Variants in NTRK2 observed in about 807,000 individuals in gnomAD.
The protein encoded by NTRK2 is neurotrophic receptor tyrosine kinase 2, also known as BDNF/NT-3 growth factors receptor.
In NTRK2, 13 loss-of-function variants were observed where a neutral mutation model predicts 94.5. The observed-to-expected ratio is 0.14, with a 90% CI of 0.09 to 0.22. NTRK2 has a LOEUF of 0.22. Among genes scored for constraint, NTRK2 ranks in the 10% least tolerant of loss-of-function variants. The pLI is 1.00. For synonymous variants in NTRK2, 372 were observed against 407.4 expected (o/e 0.91, Z 1.05); for missense variants, 639 against 1,071.2 (o/e 0.60, Z 5.63).
At chr9:84,724,195 G>T (rs754483231) in intron 7 of NTRK2, 29 bp from the exon 8 acceptor site, 3 of 1,613,828 alleles carry the variant, frequency 1.9e-6, no homozygotes, top group African/African-American at 2.7e-5. Flanking sequence ...CCTAATCAAG[G>T]TTATTTTTGT....
intron 14 of NTRK2, chr9:84,874,890 G>T: frequency 9.5e-7 from 1 of 1,057,250 alleles, no homozygotes; most frequent in Non-Finnish European, 1.1e-6. Context: ...GTCAATCCCA[G>T]TTGGTATAGG....
rs924119474 is a variant in NTRK2 at position 84,818,332 on chromosome 9, G to A, written c.1397-42708G>A. Among the ~76,000 whole-genome samples the A allele has an allele frequency of 3.3e-5, 5 of 152,192 alleles. No individual in the cohort carries two copies. In the South Asian group the frequency reaches 6.2e-4, roughly 19 times the overall value. Reference sequence around the variant, plus strand: ...GTGTCTAGGGCACAATTTGAAAGACGGTGGTAACTCTTAGGTTCATGCAAG... The same window carrying A: ...GTGTCTAGGGCACAATTTGAAAGACAGTGGTAACTCTTAGGTTCATGCAAG... On this transcript the variant is annotated intron_variant, in intron 12 of 18. Transcript: ENST00000277120.
chr9:84,905,056 C>T (rs1054154920), intron 14 of NTRK2, among the ~76,000 whole-genome samples: 1 of 152,128 alleles, frequency 6.6e-6, no homozygotes, highest in African/African-American at 2.4e-5. Flanking sequence ...AGAAGGCACA[C>T]GGTGGCCTGC....
rs1192441321 is a variant in NTRK2 at position 84,738,585 on chromosome 9, G to C, written c.1160-3307G>C. ...GAGTGTAAATATCATGGGAGGTTTT[G>C]CTAAACTAGGAAGTTGCTGGAAGCA... On this transcript the variant is annotated intron_variant, in intron 9 of 18. Coordinates refer to ENST00000277120, the MANE Select transcript of NTRK2 (RefSeq NM_006180.6). Among the ~76,000 whole-genome samples, 4 of 152,318 alleles carry C rather than the reference G, an allele frequency of 2.6e-5. No homozygotes were observed. The East Asian group carries it at 7.7e-4, about 29-fold the overall frequency.
intron 12 of NTRK2, among the ~76,000 whole-genome samples, chr9:84,857,675 A>G (rs1006863913): frequency 1.3e-5 from 2 of 152,248 alleles, no homozygotes; most frequent in Admixed American, 6.5e-5. Context: ...AATTTTAAAC[A>G]GAACTTAGAC....
At chr9:84,955,144 C>A in intron 16 of NTRK2, 139 bp from the exon 17 acceptor site, 1 of 725,774 alleles carries the variant, frequency 1.4e-6, no homozygotes, top group Non-Finnish European at 2.4e-6. Flanking sequence ...CATGCTAAGT[C>A]AGGCAGCATC....
chr9:84,691,533 TC>T (rs1408569815), intron 2 of NTRK2, among the ~76,000 whole-genome samples: 10 of 152,146 alleles, frequency 6.6e-5, no homozygotes, highest in Admixed American at 3.9e-4. Flanking sequence ...TAAGGCCAGA[TC>T]TGTTCTCTTT....
chr9:84,968,378 G>A (rs1194460776), intron 17 of NTRK2, among the ~76,000 whole-genome samples: 1 of 152,276 alleles, frequency 6.6e-6, no homozygotes, highest in East Asian at 1.9e-4. Flanking sequence ...TAGGACAGTG[G>A]CCCACTGTGC....
At chr9:84,945,558 G>A (rs779809390) in intron 15 of NTRK2, among the ~76,000 whole-genome samples, 3 of 152,068 alleles carry the variant, frequency 2.0e-5, no homozygotes, top group South Asian at 2.1e-4. Context: ...GAAGTTCAGC[G>A]AGATAAGCAC....
At chr9:84,825,727 C>G (rs2073144935) in intron 12 of NTRK2, among the ~76,000 whole-genome samples, 1 of 152,210 alleles carries the variant, frequency 6.6e-6, no homozygotes, top group South Asian at 2.1e-4. Context: ...AGAGTGGCAC[C>G]TTCTTTCCTA....
At chr9:84,990,178 A>T in intron 17 of NTRK2, among the ~76,000 whole-genome samples, 1 of 152,176 alleles carries the variant, frequency 6.6e-6, no homozygotes, top group East Asian at 1.9e-4. Flanking sequence ...CCAGGCGGAT[A>T]TTCATCTTTG....
chr9:84,926,157 C>CTTT (rs2077779775), intron 14 of NTRK2, among the ~76,000 whole-genome samples: 19 of 80,344 alleles, frequency 2.4e-4, no homozygotes, highest in South Asian at 4.9e-4. Context: ...TTCCTTCCTT[C>CTTT]CTTCCTTCCT....
At chr9:84,865,111 A>G (rs2075529575) in intron 13 of NTRK2, among the ~76,000 whole-genome samples, 1 of 152,160 alleles carries the variant, frequency 6.6e-6, no homozygotes, top group South Asian at 2.1e-4. Flanking sequence ...GTAGCAGAAC[A>G]GGGATGATTA....
intron 14 of NTRK2, among the ~76,000 whole-genome samples, chr9:84,869,607 G>A (rs192082380): frequency 6.6e-6 from 1 of 151,782 alleles, no homozygotes; most frequent in East Asian, 1.9e-4. Flanking sequence ...CTTTTGTTAA[G>A]TAGTGAGTAT....
At chr9:84,791,227 A>C (rs1201662967) in intron 12 of NTRK2, among the ~76,000 whole-genome samples, 1 of 152,112 alleles carries the variant, frequency 6.6e-6, no homozygotes, top group Admixed American at 6.5e-5. Flanking sequence ...CCCTCCAAAA[A>C]ATGGATTTCC....
At chr9:84,861,185 A>C (rs2075323950) in intron 13 of NTRK2, 98 bp downstream of exon 13, 2 of 956,538 alleles carry the variant, frequency 2.1e-6, no homozygotes, top group Admixed American at 4.0e-5. Context: ...ACGGTCTTTG[A>C]TTCATTTTCT....
rs1486810032 is a variant in NTRK2 at position 85,023,345 on chromosome 9, G to A, written c.*1908G>A. ...ATGTTATTTCATATTTGTTTCTGAA[G>A]GTGCGATAGCTCTGTTTTAGGTTTT... On this transcript the variant is annotated 3_prime_UTR_variant, in exon 19 of 19. Coordinates refer to ENST00000277120, the MANE Select transcript of NTRK2 (RefSeq NM_006180.6). The A allele has an allele frequency of 4.3e-6, 1 of 232,450 alleles. No homozygotes were observed. Among genetic ancestry groups the A allele is most frequent in the Non-Finnish European group, 8.5e-6 (1 of 117,666 alleles). The allele number at this position is 232,450 out of a possible 1,614,324, so 14.4% of individuals were successfully genotyped here.
At chr9:84,740,548 C>A (rs1308848890) in intron 9 of NTRK2, among the ~76,000 whole-genome samples, 1 of 152,248 alleles carries the variant, frequency 6.6e-6, no homozygotes, top group Non-Finnish European at 1.5e-5. Context: ...ACAGGGTGTG[C>A]ACTGCACAAT....
intron 15 of NTRK2, among the ~76,000 whole-genome samples, chr9:84,942,774 T>A (rs1408384220): frequency 7.6e-6 from 1 of 131,048 alleles, no homozygotes. Flanking sequence ...ATCTGTTAGG[T>A]TTTTTTTTTA....
Sources: allele counts gnomAD v4.1 joint callset (sites outside exome capture counted in the v4.1 genomes callset), GRCh38; gene constraint gnomAD v4.1.1; transcripts MANE v1.5; gene names NCBI Gene and HGNC (gene_info 2026-07-23, HGNC 2026-07-21).